PAK4: variants seen among roughly 807,000 people sequenced by gnomAD.
PAK4 encodes the protein serine/threonine-protein kinase PAK 4.
A neutral mutation model predicts 53.5 loss-of-function variants in PAK4; 49 were observed. The ratio of observed to expected loss-of-function variants is 0.92; its 90% CI spans 0.73 to 1.16. The LOEUF is 1.16. Ranked by LOEUF, PAK4 falls within the 50% of genes most tolerant of loss-of-function variation. The pLI is 0.00. For missense variants in PAK4, 824 were observed against 850.7 expected, an observed-to-expected ratio of 0.97 and a Z score of 0.39; for synonymous variants, 376 against 375.6, an observed-to-expected ratio of 1.00 and a Z score of -0.01.
intron 1 of PAK4, among the ~76,000 whole-genome samples, chr19:39,167,722 C>T (rs2074402129): frequency 6.6e-6 from 1 of 152,122 alleles, no homozygotes; most frequent in African/African-American, 2.4e-5. Context: ...AACCGGTTCC[C>T]CTGGCTGGCT....
intron 1 of PAK4, among the ~76,000 whole-genome samples, chr19:39,144,342 G>A (rs900219333): frequency 1.3e-5 from 2 of 152,090 alleles, no homozygotes; most frequent in African/African-American, 4.8e-5. Flanking sequence ...CACCCTCCTC[G>A]CTGCCTTCTT....
Position 39,173,481 on chromosome 19 carries a change from C to T in PAK4, c.664-95C>T, listed in dbSNP as rs756789199. On this transcript the variant is annotated intron_variant, in intron 3 of 8. Transcript: ENST00000358301. The surrounding 1 kb of genome is among the most constrained non-coding windows in gnomAD (Gnocchi z 6.9). ...CACCGTGCATCTCATCCTGACCACC[C>T]ATGTGTCTGTCCCATCGCTGGGTCT... 5.2e-6 allele frequency: 7 copies of T among 1,344,424 alleles called. No individual in the cohort carries two copies. Among genetic ancestry groups the T allele is most frequent in the Middle Eastern group, 1.9e-4 (1 of 5,296 alleles). The allele number at this position is 1,344,424 out of a possible 1,614,324, so 83.3% of individuals were successfully genotyped here.
Position 39,178,740 on chromosome 19 carries a change from A to G in PAK4, c.*161A>G. 1 of 581,768 alleles carries G rather than the reference A, an allele frequency of 1.7e-6. No individual in the cohort carries two copies. Among genetic ancestry groups the G allele is most frequent in the Non-Finnish European group, 2.9e-6 (1 of 342,016 alleles). 36.0% of individuals were successfully genotyped at this position (581,768 alleles called of 1,614,324 possible). On this transcript the variant is annotated 3_prime_UTR_variant, in exon 9 of 9. Coordinates refer to ENST00000358301, the Ensembl canonical transcript of PAK4. The surrounding 1 kb of genome is among the most constrained non-coding windows in gnomAD (Gnocchi z 4.4). Reference sequence around the variant, plus strand: ...AGATGAGACCCTACTACTGAACTCCAGTTTTGATCTCGTGACTTTTAGAAA... The same window carrying G: ...AGATGAGACCCTACTACTGAACTCCGGTTTTGATCTCGTGACTTTTAGAAA...
intron 1 of PAK4, among the ~76,000 whole-genome samples, chr19:39,128,009 AG>A (rs2073622404): frequency 6.6e-6 from 1 of 152,028 alleles, no homozygotes; most frequent in Non-Finnish European, 1.5e-5. Flanking sequence ...CGGTGGGAGC[AG>A]GGGAGGGCTG....
chr19:39,141,113 C>G (rs927359013), intron 1 of PAK4, among the ~76,000 whole-genome samples: 3 of 152,146 alleles, frequency 2.0e-5, no homozygotes, highest in Non-Finnish European at 1.5e-5. Flanking sequence ...CACACATACC[C>G]AGAAGAATAG....
At chr19:39,167,907 G>T (rs894279417) in intron 1 of PAK4, 2 of 152,344 alleles carry the variant, frequency 1.3e-5, no homozygotes, top group African/African-American at 4.8e-5. Flanking sequence ...AGGCGCGGGG[G>T]AGCCAGCTGG....
intron 1 of PAK4, among the ~76,000 whole-genome samples, chr19:39,147,398 C>T (rs921041608): frequency 1.3e-5 from 2 of 152,152 alleles, no homozygotes; most frequent in Non-Finnish European, 2.9e-5. Context: ...AACCATTTCC[C>T]GTTGGAGGAC....
Position 39,178,553 on chromosome 19 carries a change from C to A in PAK4, c.1750C>A (p.Leu584Ile), listed in dbSNP as rs779594548. 3 of 1,608,704 alleles carry A rather than the reference C, an allele frequency of 1.9e-6. No homozygotes were observed. In the African/African-American group the frequency reaches 4.0e-5, roughly 22 times the overall value. The change falls in exon 9 of 9, where the codon CTC (leucine) becomes ATC (isoleucine). Residue 584 changes from leucine to isoleucine, a missense_variant. By Grantham distance (5) the Leu-to-Ile change is conservative. Around this residue, in one of 2 missense-constraint regions of PAK4, gnomAD observed 346 missense variants for 415.0 expected, o/e 0.83. Coordinates refer to ENST00000358301, the Ensembl canonical transcript of PAK4. The surrounding 1 kb of genome is among the most constrained non-coding windows in gnomAD (Gnocchi z 4.4). The stretch of plus-strand genomic sequence containing the variant: ...AGGGCCGCCTGCCAGCATCGTGCCC[C>A]TCATGCGCCAGAACCGCACCAGATG...
At chr19:39,128,267 T>C (rs1222320229) in intron 1 of PAK4, among the ~76,000 whole-genome samples, 1 of 152,146 alleles carries the variant, frequency 6.6e-6, no homozygotes, top group African/African-American at 2.4e-5. Context: ...AGCATTAGTC[T>C]TGCTGCTGCT....
At chr19:39,174,187 C>T (rs1259196350) in intron 4 of PAK4, among the ~76,000 whole-genome samples, 177 bp downstream of exon 5, 2 of 151,616 alleles carry the variant, frequency 1.3e-5, no homozygotes, top group East Asian at 1.9e-4. Flanking sequence ...CTGCCTCTGT[C>T]CTCACAGCAC....
chr19:39,162,464 C>T (rs1249575079), intron 1 of PAK4, among the ~76,000 whole-genome samples: 1 of 152,124 alleles, frequency 6.6e-6, no homozygotes, highest in Non-Finnish European at 1.5e-5. Flanking sequence ...GACAGGGTCT[C>T]ACTAGGTTGC....
At chr19:39,169,695 C>G (rs548064368) in exon 2 of PAK4, 1 of 1,612,232 alleles carries the variant, frequency 6.2e-7, no homozygotes, top group East Asian at 2.2e-5. Flanking sequence ...GGAGTCGGCT[C>G]GCCGGCCCAA....
chr19:39,154,320 A>G (rs776851079), intron 1 of PAK4, among the ~76,000 whole-genome samples: 3 of 152,174 alleles, frequency 2.0e-5, no homozygotes, highest in Non-Finnish European at 4.4e-5. Context: ...AATGTTTTCG[A>G]GAAGAGCAAA....
intron 1 of PAK4, among the ~76,000 whole-genome samples, chr19:39,150,992 T>A (rs1288796617): frequency 2.0e-5 from 3 of 152,194 alleles, no homozygotes; most frequent in Non-Finnish European, 4.4e-5. Context: ...TGCATTAGAT[T>A]TCTGTCGGTG....
At chr19:39,153,534 C>A (rs2074128384) in intron 1 of PAK4, among the ~76,000 whole-genome samples, 1 of 151,048 alleles carries the variant, frequency 6.6e-6, no homozygotes, top group Admixed American at 6.6e-5. Flanking sequence ...CTTCGCCTCC[C>A]AGGTTCAAGT....
chr19:39,178,395 C>G lies in PAK4; in HGVS notation c.1621-29C>G, dbSNP rs762515907. 12 of 1,560,768 alleles carry G rather than the reference C, an allele frequency of 7.7e-6. No homozygotes were observed. The highest frequency in any genetic ancestry group is 1.0e-5 in the Non-Finnish European group (12 of 1,153,322). ...AGCAAATGAACAGTGGGGAGCCTCGCCCCCTGACCCTCCCCTCCTTCTCGA... is the reference window on the plus strand; with the variant it reads ...AGCAAATGAACAGTGGGGAGCCTCGGCCCCTGACCCTCCCCTCCTTCTCGA... On this transcript the variant is annotated intron_variant, in intron 8 of 8. Coordinates refer to ENST00000358301, the Ensembl canonical transcript of PAK4. This position sits in a 1 kb window ranked among gnomAD's most constrained non-coding sequence, Gnocchi z 4.4.
At chr19:39,170,678 T>TGCCCA (rs2074461601) in intron 2 of PAK4, among the ~76,000 whole-genome samples, 2 of 152,202 alleles carry the variant, frequency 1.3e-5, no homozygotes, top group Non-Finnish European at 2.9e-5. Flanking sequence ...ACCCTCCCGG[T>TGCCCA]GCCCAGCCCA....
At chr19:39,166,557 TC>T (rs2074379794) in intron 1 of PAK4, among the ~76,000 whole-genome samples, 1 of 152,030 alleles carries the variant, frequency 6.6e-6, no homozygotes, top group Non-Finnish European at 1.5e-5. Context: ...CATATTGAGG[TC>T]CCCAGGTTGG....
In PAK4 at chr19:39,175,165, T is replaced by C. The variant is rs1414300811; in HGVS notation, c.1232+101T>C. 6.6e-6 allele frequency: 10 copies of C among 1,505,004 alleles called. No individual in the cohort carries two copies. Among genetic ancestry groups the C allele is most frequent in the Non-Finnish European group, 8.1e-6 (9 of 1,107,616 alleles). The allele number at this position is 1,505,004 out of a possible 1,614,324, so 93.2% of individuals were successfully genotyped here. The stretch of plus-strand genomic sequence containing the variant: ...CCAAACCAGCTGTGCTCCGGGCCCC[T>C]GGGATGGGGTCGTGTCTTCCATTCC... On this transcript the variant is annotated intron_variant, in intron 5 of 8. Coordinates refer to ENST00000358301, the Ensembl canonical transcript of PAK4. This position sits in a 1 kb window ranked among gnomAD's most constrained non-coding sequence, Gnocchi z 4.7.
Sources: gnomAD v4.1 joint callset for allele counts (sites outside exome capture counted in the v4.1 genomes callset) on GRCh38, gnomAD v4.1.1 for gene constraint, gnomAD v4.1.1 regional missense constraint, Gnocchi (gnomAD v3.1) non-coding constraint, MANE v1.5 for transcripts, NCBI Gene and HGNC (gene_info 2026-07-23, HGNC 2026-07-21) for gene names.